Variants in VWF observed in about 807,000 individuals in gnomAD.
The protein encoded by VWF is Factor VIII related antigen.
A neutral mutation model predicts 308.6 loss-of-function variants in VWF; 176 were observed. That is an observed-to-expected ratio of 0.57 (90% CI 0.50 to 0.65). VWF has a LOEUF of 0.65. VWF is among the 30% of genes least tolerant of loss of function. The pLI, the probability that VWF is intolerant of heterozygous loss-of-function variation, is 0.00. For missense variants in VWF, 3,146 were observed against 3,648.2 expected, an observed-to-expected ratio of 0.86 and a Z score of 3.55; for synonymous variants, 1,385 against 1,443.4, an observed-to-expected ratio of 0.96 and a Z score of 0.92.
chr12:6,103,497 C>T lies in VWF; in HGVS notation c.532+6877G>A, dbSNP rs571732052. On this transcript the variant is annotated intron_variant, in intron 5 of 51. Transcript: ENST00000261405. ...GTGTGTATATACATATATGTGTATA[C>T]ACACACGTATATATATACACACATA... Among the ~76,000 whole-genome samples the T allele has an allele frequency of 5.3e-4, 62 of 117,770 alleles. 3 individuals carry two copies. The highest frequency in any genetic ancestry group is 2.9e-3 in the African/African-American group (58 of 20,322). 77.3% of individuals were successfully genotyped at this position (117,770 alleles called of 152,430 possible).
rs1036001415 is a variant in VWF at position 5,968,299 on chromosome 12, C to G, written c.7730-132G>C. 4.6e-5 allele frequency: 51 copies of G among 1,102,602 alleles called. 1 individual carries two copies. The highest frequency in any genetic ancestry group is 5.6e-5 in the Non-Finnish European group (43 of 763,682). The allele number at this position is 1,102,602 out of a possible 1,614,324, so 68.3% of individuals were successfully genotyped here. ...CCTGTATCGGTCGGCCCTTTCCCCC[C>G]ACCCCACAACCCAGCGCTGGGGGTC... On this transcript the variant is annotated intron_variant, in intron 45 of 51. Coordinates refer to ENST00000261405, the MANE Select transcript of VWF (RefSeq NM_000552.5).
At chr12:6,036,577 A>C (rs1944339650) in intron 18 of VWF, 86 bp from the exon 19 acceptor site, 2 of 1,300,524 alleles carry the variant, frequency 1.5e-6, no homozygotes, top group Middle Eastern at 1.8e-4. Flanking sequence ...GTGTTGTCTG[A>C]GACTTGAGCC....
intron 17 of VWF, among the ~76,000 whole-genome samples, chr12:6,045,166 TTAG>T (rs1944435177): frequency 1.3e-5 from 2 of 152,210 alleles, no homozygotes; most frequent in South Asian, 4.1e-4. Flanking sequence ...TTCGTGGCAA[TTAG>T]TAGGTATCAA....
intron 47 of VWF, among the ~76,000 whole-genome samples, chr12:5,961,704 A>T (rs1943318950): frequency 6.6e-6 from 1 of 152,070 alleles, no homozygotes; most frequent in Admixed American, 6.5e-5. Flanking sequence ...AAAACATAAA[A>T]TTTAAAAAAA....
chr12:6,005,382 T>C (rs372967421), intron 34 of VWF, among the ~76,000 whole-genome samples: 7 of 152,282 alleles, frequency 4.6e-5, no homozygotes, highest in African/African-American at 1.7e-4. Context: ...TGTCAATAAA[T>C]AGTACTGCAA....
intron 47 of VWF, among the ~76,000 whole-genome samples, chr12:5,962,455 A>G (rs1387369348): frequency 6.6e-6 from 1 of 152,108 alleles, no homozygotes; most frequent in Non-Finnish European, 1.5e-5. Context: ...TACAGTAATC[A>G]AGACAGTGGT....
chr12:6,046,585 C>A lies in VWF; in HGVS notation c.2281+138G>T. On this transcript the variant is annotated intron_variant, in intron 17 of 51. Transcript: ENST00000261405. This position sits in a 1 kb window ranked among gnomAD's most constrained non-coding sequence, Gnocchi z 5.0. ...ACTCACACAAACCCAGAAATGAAGG[C>A]GATCCTGGGCGAAGCCAGACCCATG... 2 of 824,114 alleles carry A rather than the reference C, an allele frequency of 2.4e-6. No homozygotes were observed. The highest frequency in any genetic ancestry group is 3.0e-5 in the South Asian group (2 of 65,752). 51.1% of individuals were successfully genotyped at this position (824,114 alleles called of 1,614,324 possible).
intron 5 of VWF, among the ~76,000 whole-genome samples, chr12:6,102,461 G>A (rs1945175208): frequency 6.6e-6 from 1 of 151,552 alleles, no homozygotes; most frequent in Non-Finnish European, 1.5e-5. Context: ...AACAGGCAGA[G>A]CACGTTGGCT....
chr12:5,995,537 C>T (rs1417025958), intron 35 of VWF, among the ~76,000 whole-genome samples: 1 of 152,012 alleles, frequency 6.6e-6, no homozygotes, highest in Non-Finnish European at 1.5e-5. Flanking sequence ...TTTAATCAAT[C>T]ATTTATATAT....
chr12:6,029,563 A>G, intron 21 of VWF, 75 bp from the exon 22 acceptor site: 1 of 1,581,914 alleles, frequency 6.3e-7, no homozygotes. Flanking sequence ...TCCACTCTAC[A>G]CCTGCCCATC....
intron 34 of VWF, among the ~76,000 whole-genome samples, chr12:6,007,834 A>T (rs1385219731): frequency 6.6e-6 from 1 of 152,200 alleles, no homozygotes; most frequent in African/African-American, 2.4e-5. Context: ...GAAGACTCAA[A>T]TAAATAAAAT....
At position 5,997,771 on chromosome 12, in the gene VWF, C is replaced by T. The variant is rs544460279; in HGVS notation, c.5843-1549G>A. Among the ~76,000 whole-genome samples the T allele has an allele frequency of 9.2e-5, 14 of 152,212 alleles. No homozygotes were observed. In the South Asian group the frequency reaches 2.9e-3, roughly 32 times the overall value. On this transcript the variant is annotated intron_variant, in intron 34 of 51. Coordinates refer to ENST00000261405, the MANE Select transcript of VWF (RefSeq NM_000552.5). ...TGAGGTCCTTCCATCTCCAGAATAC[C>T]AAATTACCTCCCAACAAACCATCAC...
chr12:6,028,290 A>C (rs11610629), intron 22 of VWF, among the ~76,000 whole-genome samples: 37,881 of 152,150 alleles, frequency 0.25, 5,014 homozygotes, highest in African/African-American at 0.31. Flanking sequence ...AATGATAAGG[A>C]AACACCCTAG....
chr12:5,973,457 T>C (rs576819440), intron 43 of VWF, among the ~76,000 whole-genome samples: 1 of 152,320 alleles, frequency 6.6e-6, no homozygotes, highest in South Asian at 2.1e-4. Context: ...ATGGAGGTGG[T>C]AGATGCCAAG....
At chr12:5,986,064 C>T (rs982999990) in intron 38 of VWF, among the ~76,000 whole-genome samples, 3 of 152,226 alleles carry the variant, frequency 2.0e-5, no homozygotes, top group Non-Finnish European at 4.4e-5. Flanking sequence ...GTAGGAAGAG[C>T]GGTGGGGAGG....
chr12:6,070,492 C>T (rs552522681), intron 10 of VWF, among the ~76,000 whole-genome samples: 15 of 152,326 alleles, frequency 9.8e-5, no homozygotes, highest in Admixed American at 8.5e-4. Flanking sequence ...GGCTCTGCCT[C>T]GTAGCAGCTG....
In VWF at chr12:6,084,112, T is replaced by C. The variant is rs550942688; in HGVS notation, c.658-8561A>G. On this transcript the variant is annotated intron_variant, in intron 6 of 51. Coordinates refer to ENST00000261405, the MANE Select transcript of VWF (RefSeq NM_000552.5). ...TCCTGTCACTCACAGCTGAACCTAC[T>C]CCTAACTGACACAGACAGCAGTACT... 2.6e-5 allele frequency among the ~76,000 whole-genome samples: 4 copies of C among 152,260 alleles called. No homozygotes were observed. In the East Asian group the frequency reaches 7.7e-4, roughly 29 times the overall value.
At chr12:5,973,172 G>A (rs1037161204) in intron 43 of VWF, among the ~76,000 whole-genome samples, 13 of 152,116 alleles carry the variant, frequency 8.5e-5, no homozygotes, top group Admixed American at 7.9e-4. Flanking sequence ...TTTTCTGGCT[G>A]CACAACCAGG....
chr12:6,057,138 A>C, intron 14 of VWF, 66 bp from the exon 15 acceptor site: 1 of 1,424,678 alleles, frequency 7.0e-7, no homozygotes, highest in Non-Finnish European at 9.5e-7. Flanking sequence ...CCTCCCGGTC[A>C]ACACTCCCCT....
Sources: allele counts gnomAD v4.1 joint callset (sites outside exome capture counted in the v4.1 genomes callset), GRCh38; gene constraint gnomAD v4.1.1; non-coding constraint Gnocchi (gnomAD v3.1); transcripts MANE v1.5; gene names NCBI Gene and HGNC (gene_info 2026-07-23, HGNC 2026-07-21).